The following RAB7B variants were observed in gnomAD, a reference collection of about 807,000 sequenced individuals.
RAB7B encodes ras-related protein Rab-7b.
At chr1:205,988,317 C>T (rs1430471996) in intron 4 of RAB7B, among the ~76,000 whole-genome samples, 4 of 150,406 alleles carry the variant, frequency 2.7e-5, no homozygotes, top group Admixed American at 6.6e-5. Flanking sequence ...CAGCCTCTCC[C>T]TCCCGTGTTC....
chr1:205,985,852 A>C (rs1028704719), intron 4 of RAB7B, among the ~76,000 whole-genome samples, 187 bp from the exon 5 acceptor site: 1 of 150,136 alleles, frequency 6.7e-6, no homozygotes, highest in African/African-American at 2.5e-5. Context: ...CACCACTCCC[A>C]TTTATTGAGA....
rs2102641451 is a variant in RAB7B, at chr1:205,994,149, A to C, written c.-14T>G. ...CCGGGGATTCATGGAAGGGCTTCAG[A>C]GCCTGTAAGGAAACAGAGGTCATCC... On this transcript the variant is annotated splice_region_variant and 5_prime_UTR_variant, in exon 2 of 6. Coordinates refer to ENST00000617070, the MANE Select transcript of RAB7B (RefSeq NM_001164522.3). 1 of 398,646 alleles carries C rather than the reference A, an allele frequency of 2.5e-6. No homozygotes were observed. The highest frequency in any genetic ancestry group is 3.6e-5 in the East Asian group (1 of 28,078). The allele number at this position is 398,646 out of a possible 1,614,324, so 24.7% of individuals were successfully genotyped here. A position where few individuals can be genotyped will look rare whatever the true frequency, so the allele number is the denominator to read the frequency against.
intron 4 of RAB7B, 36 bp downstream of exon 4, chr1:205,992,444 T>C: frequency 2.5e-6 from 1 of 398,680 alleles, no homozygotes; most frequent in East Asian, 3.6e-5. Context: ...GGTGCTCATA[T>C]AATGTTTGTT....
chr1:205,989,594 T>G (rs938860367), intron 4 of RAB7B, among the ~76,000 whole-genome samples: 7 of 152,020 alleles, frequency 4.6e-5, no homozygotes, highest in African/African-American at 7.3e-5. Flanking sequence ...AAACCTGGTC[T>G]CCTGTGCCCC....
intron 4 of RAB7B, among the ~76,000 whole-genome samples, chr1:205,987,800 CA>C (rs1397869222): frequency 6.6e-6 from 1 of 152,016 alleles, no homozygotes; most frequent in African/African-American, 2.4e-5. Context: ...TAAACTAAAT[CA>C]GTAATTTCTT....
At chr1:205,995,611 A>G (rs1293454128) in intron 1 of RAB7B, among the ~76,000 whole-genome samples, 1 of 152,242 alleles carries the variant, frequency 6.6e-6, no homozygotes, top group Non-Finnish European at 1.5e-5. Context: ...GGAGGACCTT[A>G]TGTTAAGTGA....
intron 4 of RAB7B, 33 bp from the exon 5 acceptor site, chr1:205,985,698 G>T: frequency 8.4e-6 from 2 of 238,404 alleles, no homozygotes; most frequent in Non-Finnish European, 1.5e-5. Flanking sequence ...CGTGGTGTCT[G>T]TATTATCATC....
At chr1:206,000,891 G>A (rs1026649428) in intron 1 of RAB7B, among the ~76,000 whole-genome samples, 3 of 152,180 alleles carry the variant, frequency 2.0e-5, no homozygotes, top group Non-Finnish European at 4.4e-5. Context: ...GCTGCCTCCC[G>A]CTCCTAGGAG....
In RAB7B at chr1:205,978,927, T is replaced by C. The variant is rs1660435703; in HGVS notation, c.524A>G (p.Tyr175Cys). The C allele has an allele frequency of 2.5e-6, 1 of 398,826 alleles. No individual in the cohort carries two copies. The allele number at this position is 398,826 out of a possible 1,614,324, so 24.7% of individuals were successfully genotyped here. The change falls in exon 6 of 6, where the codon TAC becomes TGC. Residue 175 changes from tyrosine to cysteine, a missense_variant and splice_region_variant. Physicochemically the swap from Tyr to Cys is radical, Grantham distance 194. Transcript: ENST00000617070. ...EMLASRALSRYQSILENHLTE... is the reference protein window; with the variant it reads ...EMLASRALSRCQSILENHLTE... ...GAGGTGATTTTCTAAGATGCTCTGGTACTGGGGAAGGAAAGAGAGGCCGGC... is the reference window on the plus strand; with the variant it reads ...GAGGTGATTTTCTAAGATGCTCTGGCACTGGGGAAGGAAAGAGAGGCCGGC...
rs1019936280 is a variant in RAB7B, at chr1:205,989,294, C to T, written c.396+3186G>A. ...CTCACCACAGATCCCAGAGAGGGGG[C>T]TGGCTTGCCTGGTGCCTCATTGCCT... On this transcript the variant is annotated intron_variant, in intron 4 of 5. Coordinates refer to ENST00000617070, the MANE Select transcript of RAB7B (RefSeq NM_001164522.3). Among the ~76,000 whole-genome samples, 18 of 152,250 alleles carry T rather than the reference C, an allele frequency of 1.2e-4. No individual in the cohort carries two copies. In the East Asian group the frequency reaches 3.3e-3, roughly 28 times the overall value.
At chr1:205,981,965 G>C (rs1248819628) in intron 5 of RAB7B, among the ~76,000 whole-genome samples, 3 of 151,832 alleles carry the variant, frequency 2.0e-5, no homozygotes, top group Non-Finnish European at 4.4e-5. Flanking sequence ...GTTTCTTTCA[G>C]AATGTTAGCT....
intron 1 of RAB7B, among the ~76,000 whole-genome samples, chr1:206,000,881 G>T (rs995132902): frequency 6.6e-6 from 1 of 152,222 alleles, no homozygotes; most frequent in Non-Finnish European, 1.5e-5. Context: ...GCCCCATGGA[G>T]CTGCCTCCCG....
At chr1:205,984,535 G>C (rs1258329442) in intron 5 of RAB7B, among the ~76,000 whole-genome samples, 1 of 152,184 alleles carries the variant, frequency 6.6e-6, no homozygotes, top group Non-Finnish European at 1.5e-5. Flanking sequence ...AGATGTGGCA[G>C]AATGATGACA....
At chr1:205,985,774 C>CCCACCAGGCCCACCAACCCCA in intron 4 of RAB7B, 109 bp from the exon 5 acceptor site, 1 of 213,434 alleles carries the variant, frequency 4.7e-6, no homozygotes, top group South Asian at 1.6e-4. Context: ...CCCCACCATC[C>CCCACCAGGCCCACCAACCCCA]CCATCATCCC....
At chr1:205,984,298 C>T (rs936615507) in intron 5 of RAB7B, 6 of 152,342 alleles carry the variant, frequency 3.9e-5, no homozygotes, top group African/African-American at 1.4e-4. Flanking sequence ...GCTCTTCTCC[C>T]TGAGCAGCCG....
At chr1:205,979,484 C>G (rs1449209633) in intron 5 of RAB7B, among the ~76,000 whole-genome samples, 2 of 152,078 alleles carry the variant, frequency 1.3e-5, no homozygotes, top group South Asian at 4.1e-4. Flanking sequence ...CAGAGGAAGC[C>G]CCTTCTCGGT....
At chr1:205,992,757 G>C (rs1348731101) in intron 3 of RAB7B, 62 bp from the exon 4 acceptor site, 1 of 398,434 alleles carries the variant, frequency 2.5e-6, no homozygotes, top group Non-Finnish European at 4.4e-6. Flanking sequence ...GGCCCAGCTG[G>C]ATTACATCAT....
chr1:205,993,886 C>G (rs1680479814), intron 2 of RAB7B, among the ~76,000 whole-genome samples, 197 bp downstream of exon 2: 1 of 152,202 alleles, frequency 6.6e-6, no homozygotes, highest in African/African-American at 2.4e-5. Flanking sequence ...AGAGTCACTG[C>G]AGATCTAGGA....
rs1303989173 is a variant in RAB7B, at chr1:205,978,673, G to T, written c.*178C>A. The stretch of plus-strand genomic sequence containing the variant: ...CTATACTCAGCCTGAGCCAGGGGCT[G>T]CCCTCTGACTCTGGGCCCAGCACCA... On this transcript the variant is annotated 3_prime_UTR_variant, in exon 6 of 6. Coordinates refer to ENST00000617070, the MANE Select transcript of RAB7B (RefSeq NM_001164522.3). The T allele has an allele frequency of 1.3e-5, 5 of 390,580 alleles. No homozygotes were observed. Among genetic ancestry groups the T allele is most frequent in the Non-Finnish European group, 2.3e-5 (5 of 221,464 alleles). The allele number at this position is 390,580 out of a possible 1,614,324, so 24.2% of individuals were successfully genotyped here.
Sources: allele counts gnomAD v4.1 joint callset (sites outside exome capture counted in the v4.1 genomes callset), GRCh38; gene constraint gnomAD v4.1.1; transcripts MANE v1.5; gene names NCBI Gene and HGNC (gene_info 2026-07-23, HGNC 2026-07-21).